CORO2A: variants seen among roughly 807,000 people sequenced by gnomAD.
The protein encoded by CORO2A is coronin-2A.
A neutral mutation model predicts 62.4 loss-of-function variants in CORO2A; 47 were observed. That is an observed-to-expected ratio of 0.75 (90% CI 0.60 to 0.96). CORO2A has a LOEUF of 0.96. Among genes scored for constraint, CORO2A ranks in the 40% least tolerant of loss-of-function variants. The pLI, the probability that CORO2A is intolerant of heterozygous loss-of-function variation, is 0.00. For missense variants in CORO2A, 610 were observed against 684.1 expected (o/e 0.89, Z 1.21); for synonymous variants, 273 against 268.9 (o/e 1.02, Z -0.15).
In CORO2A at chr9:98,148,410, AT is replaced by A. The variant is rs1462783866; in HGVS notation, c.201+9049del. The stretch of plus-strand genomic sequence containing the variant: ...ACTCCATCTCAAAAAAAAAAAAAAA[AT>A]AAGATAAATAAATAAATAAAAATTT... On this transcript the variant is annotated intron_variant, in intron 2 of 11. Transcript: ENST00000375077. Among the ~76,000 whole-genome samples, 315 of 146,756 alleles carry A rather than the reference AT, an allele frequency of 2.1e-3. 2 individuals are homozygous for A. The highest frequency in any genetic ancestry group is 2.8e-3 in the Non-Finnish European group (183 of 66,384).
At chr9:98,171,569 A>G (rs1828035882) in intron 1 of CORO2A, among the ~76,000 whole-genome samples, 1 of 152,200 alleles carries the variant, frequency 6.6e-6, no homozygotes, top group Non-Finnish European at 1.5e-5. Flanking sequence ...CCAGCGCTGC[A>G]AGTTGCAGCA....
At chr9:98,186,928 C>T (rs1022138543) in intron 1 of CORO2A, among the ~76,000 whole-genome samples, 1 of 152,160 alleles carries the variant, frequency 6.6e-6, no homozygotes, top group African/African-American at 2.4e-5. Context: ...ACTATTTCTA[C>T]AGCCATCTCT....
chr9:98,168,014 T>A (rs1262777509), intron 1 of CORO2A, among the ~76,000 whole-genome samples: 1 of 152,222 alleles, frequency 6.6e-6, no homozygotes, highest in African/African-American at 2.4e-5. Context: ...AGCACAGAGG[T>A]GGCCCAGGCC....
intron 1 of CORO2A, among the ~76,000 whole-genome samples, chr9:98,162,345 T>C (rs1827897335): frequency 6.6e-6 from 1 of 152,078 alleles, no homozygotes; most frequent in Non-Finnish European, 1.5e-5. Context: ...AGAAGGAAAA[T>C]GAGGCCCAGG....
Position 98,157,471 on chromosome 9 carries a change from G to A in CORO2A, c.190C>T (p.Pro64Ser). ...GGGGGTGTCCTTACCTGGTGCAGGG[G>A]GATGACGAGGAAGGCCCCTCCACCA... ...CAGGGAFLVI[P>S]LHQTGKLDPH... Residue 64 changes from proline (P) to serine (S), a missense_variant, in exon 2 of 12, where the codon CCC becomes TCC. Transcript: ENST00000375077. 2 of 1,614,162 alleles carry A rather than the reference G, an allele frequency of 1.2e-6. No individual in the cohort carries two copies. The highest frequency in any genetic ancestry group is 1.7e-6 in the Non-Finnish European group (2 of 1,180,020).
At chr9:98,175,095 T>C (rs764198654) in intron 1 of CORO2A, among the ~76,000 whole-genome samples, 6 of 152,208 alleles carry the variant, frequency 3.9e-5, no homozygotes, top group Non-Finnish European at 7.3e-5. Context: ...CTTTTAGCCC[T>C]TCCTGACCCT....
At chr9:98,147,052 A>G (rs1827652114) in intron 2 of CORO2A, among the ~76,000 whole-genome samples, 1 of 152,112 alleles carries the variant, frequency 6.6e-6, no homozygotes, top group Non-Finnish European at 1.5e-5. Context: ...GGATCCCTTG[A>G]GCCCAAGAGT....
chr9:98,144,563 C>G (rs1355846286), intron 2 of CORO2A, among the ~76,000 whole-genome samples: 1 of 152,130 alleles, frequency 6.6e-6, no homozygotes, highest in Non-Finnish European at 1.5e-5. Context: ...AGCCATCTAC[C>G]TTATGGAGGA....
chr9:98,161,013 C>A (rs765766286), intron 1 of CORO2A, among the ~76,000 whole-genome samples: 4 of 152,200 alleles, frequency 2.6e-5, no homozygotes, highest in Non-Finnish European at 4.4e-5. Context: ...CCATGTGTAG[C>A]AGAGCACTTT....
intron 1 of CORO2A, among the ~76,000 whole-genome samples, chr9:98,171,751 T>G (rs4610873): frequency 0.44 from 66,201 of 150,946 alleles, 15,351 homozygotes; most frequent in African/African-American, 0.6. Context: ...GCCAGGAGCT[T>G]GCAGCGCGGG....
At chr9:98,154,477 C>T (rs1158713800) in intron 2 of CORO2A, among the ~76,000 whole-genome samples, 1 of 151,436 alleles carries the variant, frequency 6.6e-6, no homozygotes, top group Non-Finnish European at 1.5e-5. Context: ...CCCATAATTG[C>T]TACCCTCCCA....
At chr9:98,142,261 GA>G (rs770006512) in intron 2 of CORO2A, among the ~76,000 whole-genome samples, 1 of 152,210 alleles carries the variant, frequency 6.6e-6, no homozygotes, top group Non-Finnish European at 1.5e-5. Flanking sequence ...CAGACTTGGG[GA>G]AATCCAGCAT....
intron 8 of CORO2A, among the ~76,000 whole-genome samples, chr9:98,129,110 A>C (rs1255439183): frequency 6.6e-6 from 1 of 151,990 alleles, no homozygotes; most frequent in Non-Finnish European, 1.5e-5. Context: ...ATTTGTAGAG[A>C]CAGGAGTCTC....
intron 1 of CORO2A, among the ~76,000 whole-genome samples, chr9:98,179,248 C>A (rs1051367699): frequency 6.6e-6 from 1 of 152,290 alleles, no homozygotes; most frequent in East Asian, 1.9e-4. Flanking sequence ...GATCTGGGAC[C>A]GCTAGAGCAT....
intron 10 of CORO2A, among the ~76,000 whole-genome samples, chr9:98,127,097 CAT>C (rs775772775): frequency 6.6e-6 from 1 of 152,244 alleles, no homozygotes. Flanking sequence ...TTCAAACTCA[CAT>C]GAGACCTTGC....
At chr9:98,132,764 C>T (rs528630141) in intron 5 of CORO2A, among the ~76,000 whole-genome samples, 154 of 152,262 alleles carry the variant, frequency 1.0e-3, no homozygotes, top group Non-Finnish European at 1.6e-3. Context: ...AGCTGAGGCA[C>T]GCCAACAAGC....
intron 11 of CORO2A, 71 bp downstream of exon 11, chr9:98,126,478 T>G (rs1300290538): frequency 6.5e-7 from 1 of 1,545,544 alleles, no homozygotes; most frequent in African/African-American, 1.4e-5. Context: ...TCTCCCTTCT[T>G]CTCAGCCTGG....
chr9:98,157,701 C>T, intron 1 of CORO2A, 41 bp from the exon 2 acceptor site: 4 of 1,555,858 alleles, frequency 2.6e-6, no homozygotes, highest in Non-Finnish European at 3.5e-6. Flanking sequence ...AGGCTCACTG[C>T]CCTGATCATG....
chr9:98,176,504 C>A (rs975842675), intron 1 of CORO2A, among the ~76,000 whole-genome samples: 21 of 152,184 alleles, frequency 1.4e-4, no homozygotes, highest in Non-Finnish European at 2.6e-4. Context: ...CTACCTGTTC[C>A]TGGAGCCCCG....
Sources: allele counts gnomAD v4.1 joint callset (sites outside exome capture counted in the v4.1 genomes callset), GRCh38; gene constraint gnomAD v4.1.1; transcripts MANE v1.5; gene names NCBI Gene and HGNC (gene_info 2026-07-23, HGNC 2026-07-21).